Variants in TMCC1 observed in about 807,000 individuals in gnomAD.
TMCC1 encodes the protein transmembrane and coiled-coil domains protein 1.
In TMCC1, 15 loss-of-function variants were observed where a neutral mutation model predicts 52.4. The observed-to-expected ratio is 0.29, with a 90% CI of 0.19 to 0.44. The LOEUF (loss-of-function observed/expected upper bound fraction) is 0.44. Ranked by LOEUF, TMCC1 falls within the 20% of genes least tolerant of loss-of-function variation. TMCC1 has a pLI of 1.00. For missense variants in TMCC1, 503 were observed against 806.0 expected, an observed-to-expected ratio of 0.62 and a Z score of 4.55; for synonymous variants, 279 against 301.9, an observed-to-expected ratio of 0.92 and a Z score of 0.79.
intron 4 of TMCC1, among the ~76,000 whole-genome samples, chr3:129,761,798 C>T (rs563788413): frequency 3.3e-5 from 5 of 152,104 alleles, no homozygotes; most frequent in South Asian, 4.2e-4. Context: ...TGAGAGCAGC[C>T]TCGCCAACGT....
At chr3:129,724,455 CACT>C (rs1473664526) in intron 4 of TMCC1, among the ~76,000 whole-genome samples, 4 of 152,184 alleles carry the variant, frequency 2.6e-5, no homozygotes, top group African/African-American at 7.2e-5. Context: ...TGTTCCTGGG[CACT>C]ACGACCTAGC....
chr3:129,783,219 G>C (rs928100055), intron 4 of TMCC1, among the ~76,000 whole-genome samples: 1 of 152,148 alleles, frequency 6.6e-6, no homozygotes, highest in African/African-American at 2.4e-5. Context: ...AAAGGTATCA[G>C]ATCCTTATTA....
At chr3:129,747,659 C>T (rs866899786) in intron 4 of TMCC1, among the ~76,000 whole-genome samples, 1 of 152,162 alleles carries the variant, frequency 6.6e-6, no homozygotes, top group Non-Finnish European at 1.5e-5. Flanking sequence ...GCAGCTACCA[C>T]CTCCCTGGTG....
intron 5 of TMCC1, among the ~76,000 whole-genome samples, chr3:129,667,058 T>A (rs1411413857): frequency 6.6e-6 from 1 of 151,188 alleles, no homozygotes; most frequent in African/African-American, 2.4e-5. Flanking sequence ...CATGCCACCA[T>A]GCCTGGCTAA....
chr3:129,660,728 C>A (rs1163071189), intron 5 of TMCC1, among the ~76,000 whole-genome samples: 1 of 152,188 alleles, frequency 6.6e-6, no homozygotes, highest in Non-Finnish European at 1.5e-5. Flanking sequence ...GTGAAACTAT[C>A]TACCTATGTA....
Position 129,828,531 on chromosome 3 carries a change from AAAAAAAC to A in TMCC1, c.-130-30_-130-24del. Reference sequence around the variant, plus strand: ...TATCTAATGTTAAAAACAAAAAAACAAAAAAACAAAAAAAAAACCTTATATTATAAAT... The same window carrying A: ...TATCTAATGTTAAAAACAAAAAAACAAAAAAAAAAACCTTATATTATAAAT... On this transcript the variant is annotated intron_variant, in intron 3 of 6. Transcript: ENST00000393238. The surrounding 1 kb of genome is among the most constrained non-coding windows in gnomAD (Gnocchi z 4.1). The A allele has an allele frequency of 3.1e-6, 2 of 643,540 alleles. No homozygotes were observed. Among genetic ancestry groups the A allele is most frequent in the African/African-American group, 1.8e-5 (1 of 54,420 alleles). 39.9% of individuals were successfully genotyped at this position (643,540 alleles called of 1,614,324 possible). A position where few individuals can be genotyped will look rare whatever the true frequency, so the allele number is the denominator to read the frequency against.
intron 4 of TMCC1, among the ~76,000 whole-genome samples, chr3:129,707,405 A>G (rs1017797256): frequency 1.3e-5 from 2 of 152,236 alleles, no homozygotes; most frequent in African/African-American, 4.8e-5. Flanking sequence ...GGGAAAAATC[A>G]TTCAAAATTA....
intron 4 of TMCC1, among the ~76,000 whole-genome samples, chr3:129,729,448 G>A (rs530924406): frequency 6.6e-6 from 1 of 152,150 alleles, no homozygotes; most frequent in East Asian, 1.9e-4. Flanking sequence ...GTATTATATA[G>A]GGTTTAAAAA....
intron 4 of TMCC1, among the ~76,000 whole-genome samples, chr3:129,725,712 CAAAGGA>C (rs2107603716): frequency 6.6e-6 from 1 of 151,626 alleles, no homozygotes; most frequent in South Asian, 2.1e-4. Flanking sequence ...CTTACACTAT[CAAAGGA>C]AATTTTGATT....
chr3:129,878,463 G>A (rs548935928), intron 2 of TMCC1, among the ~76,000 whole-genome samples: 37 of 152,172 alleles, frequency 2.4e-4, no homozygotes, highest in African/African-American at 8.9e-4. Context: ...AGCAAAACCT[G>A]CTGACTCTAC....
intron 4 of TMCC1, among the ~76,000 whole-genome samples, chr3:129,728,590 A>G (rs1467822593): frequency 2.0e-5 from 3 of 152,152 alleles, no homozygotes; most frequent in Non-Finnish European, 2.9e-5. Flanking sequence ...AGCAAGCTAC[A>G]AAGTTTTTAA....
Position 129,772,763 on chromosome 3 carries a change from A to G in TMCC1, c.576+55040T>C, listed in dbSNP as rs2054710220. On this transcript the variant is annotated intron_variant, in intron 4 of 6. Transcript: ENST00000393238. ...AAAAAAACTGATTCACAGAAAAAAA[A>G]TAAACGGCCTTTAAACATATGAAAA... 1.3e-5 allele frequency among the ~76,000 whole-genome samples: 2 copies of G among 151,714 alleles called. 1 individual carries two copies. The highest frequency in any genetic ancestry group is 4.1e-4 in the South Asian group (2 of 4,834).
At chr3:129,685,135 T>C (rs2089305620) in intron 4 of TMCC1, among the ~76,000 whole-genome samples, 1 of 152,070 alleles carries the variant, frequency 6.6e-6, no homozygotes, top group South Asian at 2.1e-4. Context: ...TCCCAGCACT[T>C]TGGAAGGCAG....
At chr3:129,681,641 C>A (rs2088991437) in intron 4 of TMCC1, among the ~76,000 whole-genome samples, 1 of 152,076 alleles carries the variant, frequency 6.6e-6, no homozygotes, top group East Asian at 1.9e-4. Context: ...GGTGCAGTGG[C>A]TCACGTCTGT....
Position 129,828,029 on chromosome 3 carries a change from C to T in TMCC1, c.350G>A (p.Arg117Lys), listed in dbSNP as rs1468527600. 1 of 1,614,160 alleles carries T rather than the reference C, an allele frequency of 6.2e-7. No individual in the cohort carries two copies. The highest frequency in any genetic ancestry group is 1.3e-5 in the African/African-American group (1 of 75,050). ...CCGCCTACTATGCAAGCTTGTCCCT[C>T]TCTTCATCTTGGGTGGCACTCGAAT... ...QQIRVPPKMK[R>K]GTSLHSRRGK... The change falls in exon 4 of 7, where the codon AGA becomes AAA. Residue 117 changes from arginine to lysine, a missense_variant. Arg to Lys is a conservative substitution (Grantham distance 26). Transcript: ENST00000393238. This position sits in a 1 kb window ranked among gnomAD's most constrained non-coding sequence, Gnocchi z 4.1.
chr3:129,840,782 T>A (rs756364898), intron 2 of TMCC1, among the ~76,000 whole-genome samples: 10 of 152,160 alleles, frequency 6.6e-5, no homozygotes, highest in Non-Finnish European at 1.2e-4. Context: ...TCCTGAGGCC[T>A]TCCCAGCCAT....
intron 4 of TMCC1, among the ~76,000 whole-genome samples, chr3:129,790,405 G>T (rs1414641254): frequency 6.6e-6 from 1 of 152,138 alleles, no homozygotes; most frequent in Non-Finnish European, 1.5e-5. Flanking sequence ...AGAGATAGGG[G>T]TATGAACTAC....
chr3:129,656,350 C>T (rs2086667470), intron 5 of TMCC1, among the ~76,000 whole-genome samples: 3 of 152,236 alleles, frequency 2.0e-5, no homozygotes, highest in Admixed American at 2.0e-4. Flanking sequence ...TGTACTATCA[C>T]TCAGGTAGCA....
chr3:129,842,410 G>C (rs1010009395), intron 2 of TMCC1, among the ~76,000 whole-genome samples: 3 of 152,038 alleles, frequency 2.0e-5, no homozygotes, highest in Non-Finnish European at 4.4e-5. Context: ...AAGTTGCAGT[G>C]AGCAGAGATC....
Sources: allele counts gnomAD v4.1 joint callset (sites outside exome capture counted in the v4.1 genomes callset), GRCh38; gene constraint gnomAD v4.1.1; non-coding constraint Gnocchi (gnomAD v3.1); transcripts MANE v1.5; gene names NCBI Gene and HGNC (gene_info 2026-07-23, HGNC 2026-07-21).